Variants in SGSM2 observed in about 807,000 individuals in gnomAD.
The protein encoded by SGSM2 is RUN and TBC1 domain containing 1.
A neutral mutation model predicts 126.6 loss-of-function variants in SGSM2; 89 were observed. The ratio of observed to expected loss-of-function variants is 0.70; its 90% CI spans 0.59 to 0.84. The LOEUF (loss-of-function observed/expected upper bound fraction) is 0.84. Ranked by LOEUF, SGSM2 falls within the 40% of genes least tolerant of loss-of-function variation. The pLI is 0.00. For missense variants in SGSM2, 1,404 were observed against 1,416.6 expected (o/e 0.99, Z 0.14); for synonymous variants, 614 against 574.3 (o/e 1.07, Z -0.99).
At chr17:2,357,684 G>C (rs1364223099) in intron 2 of SGSM2, among the ~76,000 whole-genome samples, 2 of 152,100 alleles carry the variant, frequency 1.3e-5, no homozygotes, top group Non-Finnish European at 2.9e-5. Flanking sequence ...TTTTAGCAGA[G>C]ACGGAGTTTC....
At position 2,376,411 on chromosome 17, in the gene SGSM2, C is replaced by T. The variant is rs948158269; in HGVS notation, c.2609+150C>T. On this transcript the variant is annotated intron_variant, in intron 19 of 23. Transcript: ENST00000268989. Reference sequence around the variant, plus strand: ...CCTGGAACGCTTTTTTCCTGCACACCCCTCCCCCGCGCCTCTTCATTCTTA... The same window carrying T: ...CCTGGAACGCTTTTTTCCTGCACACTCCTCCCCCGCGCCTCTTCATTCTTA... The T allele has an allele frequency of 1.1e-5, 10 of 902,872 alleles. No individual in the cohort carries two copies. The Admixed American group carries it at 1.8e-4, about 16-fold the overall frequency. The allele number at this position is 902,872 out of a possible 1,614,324, so 55.9% of individuals were successfully genotyped here.
Position 2,372,329 on chromosome 17 carries a change from G to A in SGSM2, c.1643-14G>A, listed in dbSNP as rs1414506672. The A allele has an allele frequency of 1.2e-5, 20 of 1,603,550 alleles. No individual in the cohort carries two copies. Among genetic ancestry groups the A allele is most frequent in the Admixed American group, 5.1e-5 (3 of 58,524 alleles). Reference sequence around the variant, plus strand: ...GGGTCCCAGCCTCCTGCTGCCCACCGCTGCCCACCGCAGGGCTGGCACACT... The same window carrying A: ...GGGTCCCAGCCTCCTGCTGCCCACCACTGCCCACCGCAGGGCTGGCACACT... On this transcript the variant is annotated splice_polypyrimidine_tract_variant and intron_variant, in intron 14 of 23. Coordinates refer to ENST00000268989, the MANE Select transcript of SGSM2 (RefSeq NM_014853.3). The surrounding 1 kb of genome is among the most constrained non-coding windows in gnomAD (Gnocchi z 6.0).
Position 2,379,543 on chromosome 17 carries a change from C to T in SGSM2, c.*23C>T, listed in dbSNP as rs754867667. The T allele has an allele frequency of 1.1e-5, 17 of 1,603,060 alleles. No individual in the cohort carries two copies. The East Asian group carries it at 1.6e-4, about 15-fold the overall frequency. ...TGAGCTGGGGCCAGGAGGCAGCAGC[C>T]GTGCAGAGCCTGGGCTCCGGCAGGG... On this transcript the variant is annotated 3_prime_UTR_variant, in exon 24 of 24. Transcript: ENST00000268989.
At chr17:2,366,047 G>T (rs1022423672) in intron 11 of SGSM2, among the ~76,000 whole-genome samples, 1 of 152,106 alleles carries the variant, frequency 6.6e-6, no homozygotes, top group African/African-American at 2.4e-5. Context: ...CCGGCCCAGC[G>T]CTTCTTTTTG....
intron 21 of SGSM2, chr17:2,377,618 A>G (rs998085520): frequency 2.7e-6 from 1 of 376,536 alleles, no homozygotes; most frequent in Non-Finnish European, 4.8e-6. Context: ...AGAAAATCCT[A>G]TAACCCTAAA....
Position 2,367,687 on chromosome 17 carries a change from A to G in SGSM2, c.1423+282A>G, listed in dbSNP as rs1433677613. Among the ~76,000 whole-genome samples the G allele has an allele frequency of 1.3e-5, 2 of 152,174 alleles. No individual in the cohort carries two copies. The highest frequency in any genetic ancestry group is 2.9e-5 in the Non-Finnish European group (2 of 67,992). ...TCTGATTGCCTCCTGGGCACCCTGA[A>G]TGGATCTCTGAGCCCATTCCTACTC... On this transcript the variant is annotated intron_variant, in intron 12 of 23. Transcript: ENST00000268989. This position sits in a 1 kb window ranked among gnomAD's most constrained non-coding sequence, Gnocchi z 4.0.
chr17:2,375,378 TG>T, intron 17 of SGSM2, 113 bp from the exon 18 acceptor site: 1 of 1,336,344 alleles, frequency 7.5e-7, no homozygotes, highest in Non-Finnish European at 1.0e-6. Flanking sequence ...GAGGCTGTGG[TG>T]GGAGAGGGGG....
At position 2,375,472 on chromosome 17, in the gene SGSM2, G is replaced by A. The variant is rs752594247; in HGVS notation, c.2101-20G>A. 1.6e-5 allele frequency: 25 copies of A among 1,587,480 alleles called. No homozygotes were observed. Among genetic ancestry groups the A allele is most frequent in the African/African-American group, 2.7e-5 (2 of 74,352 alleles). ...AAGGTGCTGGAGTGCAGGTGGAGCC[G>A]CCCTGTGTTCACCCCCCAGGTGTTT... On this transcript the variant is annotated intron_variant, in intron 17 of 23. Transcript: ENST00000268989.
chr17:2,364,704 G>A, intron 9 of SGSM2, 41 bp downstream of exon 9: 1 of 1,603,878 alleles, frequency 6.2e-7, no homozygotes, highest in Non-Finnish European at 8.5e-7. Context: ...GAAGGGAGAG[G>A]CTGCCTTCTG....
In SGSM2 at chr17:2,377,849, C is replaced by T. The variant is rs757073072; in HGVS notation, c.2803-8C>T. On this transcript the variant is annotated splice_region_variant and splice_polypyrimidine_tract_variant and intron_variant, in intron 21 of 23. Transcript: ENST00000268989. ...CTCAGCCTCTCTCCCTTTTCCCACC[C>T]ACATAAGATCCTGGACTCAGAGCTG... 2 of 1,587,808 alleles carry T rather than the reference C, an allele frequency of 1.3e-6. No homozygotes were observed. Among genetic ancestry groups the T allele is most frequent in the South Asian group, 1.1e-5 (1 of 90,528 alleles).
intron 2 of SGSM2, among the ~76,000 whole-genome samples, chr17:2,350,009 A>G (rs908616129): frequency 4.6e-5 from 7 of 151,792 alleles, no homozygotes; most frequent in Non-Finnish European, 8.8e-5. Flanking sequence ...GGATGGTCTC[A>G]ATCTCCTGAC....
chr17:2,345,488 C>T (rs1008221688), intron 2 of SGSM2, among the ~76,000 whole-genome samples: 34 of 150,480 alleles, frequency 2.3e-4, no homozygotes, highest in Non-Finnish European at 4.6e-4. Context: ...CCCAGCTACT[C>T]AGGAGGCTGA....
In SGSM2 at chr17:2,364,933, G is replaced by A; in HGVS notation, c.1037G>A (p.Gly346Asp). The A allele has an allele frequency of 6.2e-7, 1 of 1,612,300 alleles. No individual in the cohort carries two copies. The highest frequency in any genetic ancestry group is 8.5e-7 in the Non-Finnish European group (1 of 1,180,000). Reference sequence around the variant, plus strand: ...ACGCTTGTGCTGGTGAGCCAGGATGGCATCCAGAGGCCGCCGCTGCATTTC... The same window carrying A: ...ACGCTTGTGCTGGTGAGCCAGGATGACATCCAGAGGCCGCCGCTGCATTTC... ...GGTLVLVSQD[G>D]IQRPPLHFPQ... Residue 346 changes from glycine to aspartate, a missense_variant, in exon 10 of 24, where the codon GGC (glycine) becomes GAC (aspartate). Physicochemically the swap from Gly to Asp is moderately conservative, Grantham distance 94. Coordinates refer to ENST00000268989, the MANE Select transcript of SGSM2 (RefSeq NM_014853.3).
intron 22 of SGSM2, among the ~76,000 whole-genome samples, chr17:2,378,295 G>C (rs984623249): frequency 2.6e-5 from 4 of 152,058 alleles, no homozygotes; most frequent in Admixed American, 2.6e-4. Context: ...AAAAAATGAG[G>C]CTGGGTGCGG....
Position 2,364,553 on chromosome 17 carries a change from G to A in SGSM2, c.933-43G>A, listed in dbSNP as rs375691976. ...GGAGACAAGGAAGGAAGGAAGGATGGCAGGTCTTTGGACACAGTGACAGCA... is the reference window on the plus strand; with the variant it reads ...GGAGACAAGGAAGGAAGGAAGGATGACAGGTCTTTGGACACAGTGACAGCA... On this transcript the variant is annotated intron_variant, in intron 8 of 23. Transcript: ENST00000268989. The A allele has an allele frequency of 4.4e-6, 7 of 1,600,526 alleles. No homozygotes were observed. The African/African-American group carries it at 9.4e-5, about 21-fold the overall frequency.
chr17:2,364,746 A>C, intron 9 of SGSM2, 83 bp downstream of exon 9: 3 of 1,566,850 alleles, frequency 1.9e-6, no homozygotes, highest in Non-Finnish European at 2.6e-6. Context: ...GGCCTGTAAG[A>C]CTCCTCGTCC....
chr17:2,341,941 C>A (rs529910578), intron 1 of SGSM2, among the ~76,000 whole-genome samples: 1 of 152,210 alleles, frequency 6.6e-6, no homozygotes, highest in Admixed American at 6.5e-5. Flanking sequence ...ACCACCCAAA[C>A]GCCGGGTGTT....
chr17:2,379,298 TG>T (rs1294013951), intron 23 of SGSM2, 95 bp downstream of exon 23: 1 of 1,567,784 alleles, frequency 6.4e-7, no homozygotes. Context: ...TCAGGAATCC[TG>T]GGGGCCCTTC....
At chr17:2,352,815 T>C (rs2064918847) in intron 2 of SGSM2, among the ~76,000 whole-genome samples, 1 of 120,730 alleles carries the variant, frequency 8.3e-6, no homozygotes, top group South Asian at 3.2e-4. Context: ...TCTCGCTCTG[T>C]CGCCCAGGCT....
Sources: gnomAD v4.1 joint callset for allele counts (sites outside exome capture counted in the v4.1 genomes callset) on GRCh38, gnomAD v4.1.1 for gene constraint, Gnocchi (gnomAD v3.1) non-coding constraint, MANE v1.5 for transcripts, NCBI Gene and HGNC (gene_info 2026-07-23, HGNC 2026-07-21) for gene names.